Variants in SRGAP1 observed in about 807,000 individuals in gnomAD.
SRGAP1 encodes the protein SLIT-ROBO Rho GTPase-activating protein 1.
Under a neutral mutation model 121.9 loss-of-function variants are expected in SRGAP1, and 43 were observed. That is an observed-to-expected ratio of 0.35 (90% CI 0.28 to 0.46). SRGAP1 has a LOEUF of 0.46. Among genes scored for constraint, SRGAP1 ranks in the 20% least tolerant of loss-of-function variants. SRGAP1 has a pLI of 1.00. For synonymous variants in SRGAP1, 447 were observed against 485.4 expected, an observed-to-expected ratio of 0.92 and a Z score of 1.04; for missense variants, 1,102 against 1,350.9, an observed-to-expected ratio of 0.82 and a Z score of 2.89.
At chr12:63,930,405 A>G (rs1011792828) in intron 1 of SRGAP1, among the ~76,000 whole-genome samples, 4 of 150,826 alleles carry the variant, frequency 2.7e-5, no homozygotes, top group African/African-American at 9.7e-5. Context: ...AGAAAGCAAT[A>G]TTAAGTATTT....
chr12:63,900,208 T>TTTTTCTTTG (rs1246114253), intron 1 of SRGAP1, among the ~76,000 whole-genome samples: 8 of 138,030 alleles, frequency 5.8e-5, no homozygotes, highest in Non-Finnish European at 1.1e-4. Context: ...CTTTTTCTTT[T>TTTTTCTTTG]TTTTTTTTTT....
At chr12:64,123,420 C>T (rs1464257727) in intron 18 of SRGAP1, among the ~76,000 whole-genome samples, 1 of 152,124 alleles carries the variant, frequency 6.6e-6, no homozygotes, top group Non-Finnish European at 1.5e-5. Flanking sequence ...AACTGGGGTA[C>T]ATATTTGGGT....
At chr12:63,993,841 A>C (rs1263473630) in intron 3 of SRGAP1, among the ~76,000 whole-genome samples, 1 of 151,980 alleles carries the variant, frequency 6.6e-6, no homozygotes, top group Admixed American at 6.6e-5. Flanking sequence ...GCCTAAACTC[A>C]AAAGTTTTCA....
At chr12:64,130,540 A>G (rs1345986788) in intron 21 of SRGAP1, among the ~76,000 whole-genome samples, 1 of 152,154 alleles carries the variant, frequency 6.6e-6, no homozygotes. Context: ...CAGAGCATAC[A>G]CAGCCTTCTG....
chr12:63,931,168 C>T (rs1044199422), intron 1 of SRGAP1, among the ~76,000 whole-genome samples: 3 of 152,168 alleles, frequency 2.0e-5, no homozygotes, highest in Non-Finnish European at 2.9e-5. Context: ...GATTCACATT[C>T]GTACTGTGTC....
At chr12:64,045,989 A>G (rs2035123060) in intron 6 of SRGAP1, among the ~76,000 whole-genome samples, 1 of 152,168 alleles carries the variant, frequency 6.6e-6, no homozygotes, top group South Asian at 2.1e-4. Context: ...AATGAAACAG[A>G]GCTATGGATG....
intron 1 of SRGAP1, among the ~76,000 whole-genome samples, chr12:63,935,843 T>C (rs1413999492): frequency 6.6e-6 from 1 of 152,172 alleles, no homozygotes; most frequent in Non-Finnish European, 1.5e-5. Flanking sequence ...GTAACTGTTA[T>C]GAAAAATTGG....
chr12:63,919,499 C>CAT (rs10570691), intron 1 of SRGAP1, among the ~76,000 whole-genome samples: 11,220 of 134,010 alleles, frequency 0.084, 507 homozygotes, highest in South Asian at 0.12. Context: ...CTTAACATTA[C>CAT]ATATATATAT....
intron 1 of SRGAP1, among the ~76,000 whole-genome samples, chr12:63,938,075 C>G (rs1468797833): frequency 6.6e-6 from 1 of 152,200 alleles, no homozygotes; most frequent in Non-Finnish European, 1.5e-5. Context: ...GAGAGGAACC[C>G]TCAGCGGTTT....
At chr12:64,117,299 A>G (rs1350446258) in intron 18 of SRGAP1, among the ~76,000 whole-genome samples, 1 of 151,826 alleles carries the variant, frequency 6.6e-6, no homozygotes, top group African/African-American at 2.4e-5. Flanking sequence ...TCTTTTGCCC[A>G]TTTTTCTATT....
intron 4 of SRGAP1, among the ~76,000 whole-genome samples, chr12:64,021,121 G>T (rs1417959695): frequency 6.6e-6 from 1 of 152,096 alleles, no homozygotes; most frequent in Non-Finnish European, 1.5e-5. Flanking sequence ...CTGCATTCGT[G>T]GCAACAGAAT....
rs1414213487 is a variant in SRGAP1 at position 64,142,455 on chromosome 12, A to G, written c.3041A>G (p.Asn1014Ser). 4.3e-6 allele frequency: 7 copies of G among 1,613,986 alleles called. No homozygotes were observed. Among genetic ancestry groups the G allele is most frequent in the East Asian group, 2.2e-5 (1 of 44,882 alleles). ...TSTESLSPLHNVALRSSEPQI... is the reference protein window; with the variant it reads ...TSTESLSPLHSVALRSSEPQI... ...ACGGAATCTCTCAGCCCTTTGCACAACGTTGCCCTCAGGAGCTCCGAGCCT... is the reference window on the plus strand; with the variant it reads ...ACGGAATCTCTCAGCCCTTTGCACAGCGTTGCCCTCAGGAGCTCCGAGCCT... Residue 1014 changes from asparagine (N) to serine (S), a missense_variant, in exon 22 of 22, where the codon AAC (asparagine) becomes AGC (serine). Around this residue, in one of 3 missense-constraint regions of SRGAP1, gnomAD observed 315 missense variants for 343.1 expected, o/e 0.92. Coordinates refer to ENST00000355086, the MANE Select transcript of SRGAP1 (RefSeq NM_020762.4).
intron 4 of SRGAP1, 69 bp downstream of exon 4, chr12:64,017,081 C>A: frequency 1.1e-6 from 1 of 905,004 alleles, no homozygotes; most frequent in Non-Finnish European, 1.7e-6. Flanking sequence ...AAACACTGCT[C>A]ATTGTAGTAT....
intron 3 of SRGAP1, among the ~76,000 whole-genome samples, chr12:64,004,997 C>G (rs543036575): frequency 1.8e-4 from 28 of 152,220 alleles, no homozygotes; most frequent in Non-Finnish European, 3.4e-4. Context: ...CTTGTGATAC[C>G]TTGGAATATA....
intron 9 of SRGAP1, 41 bp from the exon 10 acceptor site, chr12:64,080,243 CAA>C (rs59896917): frequency 4.3e-3 from 5,305 of 1,237,050 alleles, no homozygotes; most frequent in South Asian, 0.014. Flanking sequence ...AACTCTGTCT[CAA>C]AAAAAAAAAA....
chr12:63,948,985 CCATATATGTATTTTCCATATATATATT>C (rs2032166454), intron 1 of SRGAP1, among the ~76,000 whole-genome samples: 2 of 123,156 alleles, frequency 1.6e-5, no homozygotes, highest in African/African-American at 3.4e-5. Context: ...TATATATATT[CCATATATGTATTTTCCATATATATATT>C]CATATATGTA....
intron 1 of SRGAP1, chr12:63,888,384 T>G (rs1900463490): frequency 6.6e-6 from 1 of 152,220 alleles, no homozygotes; most frequent in South Asian, 2.1e-4. Flanking sequence ...TTTCTGCATA[T>G]AGAGATTAGC....
chr12:63,948,877 A>G (rs527968685), intron 1 of SRGAP1, among the ~76,000 whole-genome samples: 46 of 113,046 alleles, frequency 4.1e-4, no homozygotes, highest in Non-Finnish European at 6.4e-4. Flanking sequence ...CCATATATAT[A>G]TTTTCCATAT....
At chr12:64,092,546 C>T (rs1407080544) in intron 12 of SRGAP1, among the ~76,000 whole-genome samples, 1 of 152,040 alleles carries the variant, frequency 6.6e-6, no homozygotes, top group African/African-American at 2.4e-5. Context: ...AAAAATCAGC[C>T]CTACTCTGGA....
Sources: gnomAD v4.1 joint callset for allele counts (sites outside exome capture counted in the v4.1 genomes callset) on GRCh38, gnomAD v4.1.1 for gene constraint, gnomAD v4.1.1 regional missense constraint, MANE v1.5 for transcripts, NCBI Gene and HGNC (gene_info 2026-07-23, HGNC 2026-07-21) for gene names.